The following QTMAN variants were observed in gnomAD, a reference collection of about 807,000 sequenced individuals.
QTMAN encodes queuosine-tRNA mannosyltransferase, also known as tRNA-queuosine alpha-mannosyltransferase.
chr2:144,278,223 T>G, the QTMAN span, among the ~76,000 whole-genome samples: 4 of 152,222 alleles, frequency 2.6e-5, no homozygotes, highest in African/African-American at 9.6e-5. Context: ...TACAGTCTTT[T>G]GCTTTTGCTC....
At chr2:144,029,428 A>G in the QTMAN span, among the ~76,000 whole-genome samples, 2 of 152,216 alleles carry the variant, frequency 1.3e-5, no homozygotes, top group African/African-American at 4.8e-5. Context: ...TAGGGTTCTA[A>G]AAACTTTCCA....
At chr2:144,105,218 G>T in the QTMAN span, among the ~76,000 whole-genome samples, 1 of 152,188 alleles carries the variant, frequency 6.6e-6, no homozygotes, top group South Asian at 2.1e-4. Context: ...CCAAAGGAAC[G>T]CAGCTCCTCG....
chr2:143,970,510 A>C, the QTMAN span: 1 of 655,006 alleles, frequency 1.5e-6, no homozygotes, highest in Non-Finnish European at 2.8e-6. Flanking sequence ...TAATTGAATC[A>C]GACTTTAATG....
the QTMAN span, among the ~76,000 whole-genome samples, chr2:144,161,822 A>C: frequency 6.6e-6 from 1 of 152,250 alleles, no homozygotes; most frequent in Non-Finnish European, 1.5e-5. Flanking sequence ...TTCAAGGAGT[A>C]AGTTATGAAA....
At chr2:144,322,085 T>TC in the QTMAN span, among the ~76,000 whole-genome samples, 1 of 152,214 alleles carries the variant, frequency 6.6e-6, no homozygotes, top group Non-Finnish European at 1.5e-5. Flanking sequence ...GTCACAGTAG[T>TC]CCACTGATAC....
the QTMAN span, among the ~76,000 whole-genome samples, chr2:144,014,512 T>C: frequency 6.6e-6 from 1 of 152,148 alleles, no homozygotes; most frequent in African/African-American, 2.4e-5. Flanking sequence ...CCACAGAGAC[T>C]AGCTATAAGT....
chr2:144,281,593 T>C, the QTMAN span, among the ~76,000 whole-genome samples: 4 of 152,070 alleles, frequency 2.6e-5, no homozygotes, highest in South Asian at 4.2e-4. Context: ...AGAATAACTG[T>C]ATTTGGAGGC....
At chr2:144,055,502 A>C in the QTMAN span, among the ~76,000 whole-genome samples, 1 of 152,174 alleles carries the variant, frequency 6.6e-6, no homozygotes, top group East Asian at 1.9e-4. Context: ...AGTCAAATGC[A>C]TGGTTTTTTG....
At chr2:144,243,518 C>T in the QTMAN span, among the ~76,000 whole-genome samples, 1 of 152,142 alleles carries the variant, frequency 6.6e-6, no homozygotes, top group South Asian at 2.1e-4. Context: ...AGTAATGAAA[C>T]TCTATTGAAG....
At chr2:144,153,474 C>A in the QTMAN span, among the ~76,000 whole-genome samples, 1 of 152,156 alleles carries the variant, frequency 6.6e-6, no homozygotes, top group Non-Finnish European at 1.5e-5. Context: ...CTCTGGGAGG[C>A]TGAGGCGGGC....
At chr2:144,062,598 C>A in the QTMAN span, among the ~76,000 whole-genome samples, 1 of 152,158 alleles carries the variant, frequency 6.6e-6, no homozygotes, top group Admixed American at 6.5e-5. Flanking sequence ...CACAAAAAAC[C>A]TGCATTTTAC....
At chr2:144,044,409 T>G in the QTMAN span, among the ~76,000 whole-genome samples, 29 of 152,204 alleles carry the variant, frequency 1.9e-4, no homozygotes, top group Non-Finnish European at 2.9e-5. Flanking sequence ...GGGAGGAAAG[T>G]GAATCAAATG....
chr2:143,970,942 T>A, the QTMAN span, among the ~76,000 whole-genome samples: 1 of 152,114 alleles, frequency 6.6e-6, no homozygotes, highest in Non-Finnish European at 1.5e-5. Context: ...TATTTTCATG[T>A]CCACAAACTT....
chr2:144,141,957 G>A, the QTMAN span: 1 of 1,610,934 alleles, frequency 6.2e-7, no homozygotes, highest in East Asian at 2.2e-5. Flanking sequence ...CAGATCCTTG[G>A]GTCTGTGATC....
At chr2:144,269,809 T>C in the QTMAN span, among the ~76,000 whole-genome samples, 1 of 151,288 alleles carries the variant, frequency 6.6e-6, no homozygotes, top group African/African-American at 2.4e-5. Flanking sequence ...TACTATGCTA[T>C]CCAACTTCCT....
At chr2:144,065,041 T>C in the QTMAN span, among the ~76,000 whole-genome samples, 1 of 152,170 alleles carries the variant, frequency 6.6e-6, no homozygotes, top group South Asian at 2.1e-4. Context: ...TGGCCGAACA[T>C]ATCAGAATGT....
chr2:144,200,565 T>G, the QTMAN span, among the ~76,000 whole-genome samples: 1 of 152,214 alleles, frequency 6.6e-6, no homozygotes, highest in Non-Finnish European at 1.5e-5. Flanking sequence ...TTAGAAAATG[T>G]AAGAATTTGT....
the QTMAN span, among the ~76,000 whole-genome samples, chr2:144,250,124 T>G: frequency 1.5e-4 from 18 of 118,006 alleles, no homozygotes; most frequent in South Asian, 5.2e-3. Context: ...GGTTTTTGTG[T>G]TTTTTTTTTT....
chr2:144,218,915 T>TAAAAAAAAAAA, the QTMAN span, among the ~76,000 whole-genome samples: 6 of 54,632 alleles, frequency 1.1e-4, no homozygotes, highest in Admixed American at 2.1e-4. Context: ...GGAAAGTATC[T>TAAAAAAAAAAA]AAAAAAAAAA....
Sources: gnomAD v4.1 joint callset for allele counts (sites outside exome capture counted in the v4.1 genomes callset) on GRCh38, gnomAD v4.1.1 for gene constraint, MANE v1.5 for transcripts, NCBI Gene and HGNC (gene_info 2026-07-23, HGNC 2026-07-21) for gene names.